NDUFAF2: variants seen among roughly 807,000 people sequenced by gnomAD.
The protein encoded by NDUFAF2 is NADH:ubiquinone oxidoreductase complex assembly factor 2.
A neutral mutation model predicts 22.8 loss-of-function variants in NDUFAF2; 13 were observed. The observed-to-expected ratio is 0.57, with a 90% CI of 0.37 to 0.91. The LOEUF (loss-of-function observed/expected upper bound fraction) is 0.91. Among genes scored for constraint, NDUFAF2 ranks in the 40% least tolerant of loss-of-function variants. NDUFAF2 has a pLI of 0.01. For missense variants in NDUFAF2, 162 were observed against 195.2 expected (o/e 0.83, Z 1.01); for synonymous variants, 53 against 64.2 (o/e 0.83, Z 0.84).
At chr5:61,111,633 T>G (rs1175303690) in intron 3 of NDUFAF2, among the ~76,000 whole-genome samples, 1 of 151,662 alleles carries the variant, frequency 6.6e-6, no homozygotes, top group Non-Finnish European at 1.5e-5. Context: ...TTGTCTTTTT[T>G]TTTGAGACAG....
At chr5:61,073,025 C>G (rs865816494) in intron 1 of NDUFAF2, 100 bp from the exon 2 acceptor site, 2 of 753,828 alleles carry the variant, frequency 2.7e-6, no homozygotes, top group Non-Finnish European at 4.6e-6. Flanking sequence ...TAATTTAATT[C>G]TTTTACTATA....
rs183260721 is a variant in NDUFAF2 at position 61,019,124 on chromosome 5, G to A, written c.128-54001G>A. Among the ~76,000 whole-genome samples, 220 of 152,064 alleles carry A rather than the reference G, an allele frequency of 1.4e-3. 2 individuals carry two copies. The highest frequency in any genetic ancestry group is 5.1e-3 in the African/African-American group (210 of 41,528). ...AGGTAGAAATGATGATTATCAAAACGTTACCTTTCATTTATAGGGATTAAT... is the reference window on the plus strand; with the variant it reads ...AGGTAGAAATGATGATTATCAAAACATTACCTTTCATTTATAGGGATTAAT... On this transcript the variant is annotated intron_variant, in intron 1 of 3. Coordinates refer to ENST00000296597, the MANE Select transcript of NDUFAF2 (RefSeq NM_174889.5).
chr5:61,055,950 A>T (rs183189746), intron 1 of NDUFAF2, among the ~76,000 whole-genome samples: 78 of 152,328 alleles, frequency 5.1e-4, no homozygotes, highest in African/African-American at 1.8e-3. Context: ...TTAATATCAT[A>T]TACATAATGC....
chr5:61,038,085 G>T, intron 1 of NDUFAF2, among the ~76,000 whole-genome samples: 1 of 51,194 alleles, frequency 2.0e-5, no homozygotes, highest in African/African-American at 7.1e-5. Context: ...AGGGAGGCGG[G>T]GGAAGAGAGA....
At chr5:60,977,483 T>C (rs1750917668) in intron 1 of NDUFAF2, among the ~76,000 whole-genome samples, 3 of 151,740 alleles carry the variant, frequency 2.0e-5, no homozygotes, top group African/African-American at 7.3e-5. Context: ...TTGGTATATA[T>C]TGTCATGGAA....
At chr5:60,972,304 C>G (rs940655590) in intron 1 of NDUFAF2, among the ~76,000 whole-genome samples, 1 of 151,306 alleles carries the variant, frequency 6.6e-6, no homozygotes, top group Non-Finnish European at 1.5e-5. Flanking sequence ...CCACTCAAAT[C>G]TCACCTTTAG....
chr5:61,126,763 A>T lies in NDUFAF2; in HGVS notation c.259-25941A>T, dbSNP rs115392660. Among the ~76,000 whole-genome samples, 1,223 of 152,190 alleles carry T rather than the reference A, an allele frequency of 8.0e-3. 13 individuals carry two copies. The highest frequency in any genetic ancestry group is 0.028 in the African/African-American group (1,171 of 41,562). On this transcript the variant is annotated intron_variant, in intron 3 of 3. Coordinates refer to ENST00000296597, the MANE Select transcript of NDUFAF2 (RefSeq NM_174889.5). ...ATGGATTCACCTAAGAAAACATCAC[A>T]GTTGCCTCTGAATTTAAGAAGGAAA...
intron 3 of NDUFAF2, among the ~76,000 whole-genome samples, chr5:61,131,690 G>A (rs1753113631): frequency 6.6e-6 from 1 of 152,038 alleles, no homozygotes; most frequent in African/African-American, 2.4e-5. Context: ...CAAAAAAGAT[G>A]TCTGAAAAAT....
intron 1 of NDUFAF2, among the ~76,000 whole-genome samples, chr5:61,043,229 A>G (rs1269086302): frequency 6.6e-6 from 1 of 152,154 alleles, no homozygotes; most frequent in Non-Finnish European, 1.5e-5. Flanking sequence ...TTGGGGGAAA[A>G]AAACAAAAAT....
intron 1 of NDUFAF2, among the ~76,000 whole-genome samples, chr5:61,030,441 A>AATGGT (rs1304350420): frequency 6.6e-6 from 1 of 152,094 alleles, no homozygotes; most frequent in Admixed American, 6.6e-5. Flanking sequence ...TTTTAATGAA[A>AATGGT]ATGGTAAGCT....
chr5:61,062,209 C>T (rs1421529356), intron 1 of NDUFAF2, among the ~76,000 whole-genome samples: 1 of 151,900 alleles, frequency 6.6e-6, no homozygotes, highest in Non-Finnish European at 1.5e-5. Context: ...AGTAGCTGAC[C>T]AAAGAAATGG....
At chr5:61,097,285 A>T (rs934001782) in intron 2 of NDUFAF2, among the ~76,000 whole-genome samples, 3 of 152,236 alleles carry the variant, frequency 2.0e-5, no homozygotes, top group African/African-American at 7.2e-5. Flanking sequence ...AAATGCATTT[A>T]ATACACCTAG....
At position 61,016,143 on chromosome 5, in the gene NDUFAF2, G is replaced by A. The variant is rs960230841; in HGVS notation, c.128-56982G>A. Among the ~76,000 whole-genome samples, 8 of 152,086 alleles carry A rather than the reference G, an allele frequency of 5.3e-5. 1 individual carries two copies. Among genetic ancestry groups the A allele is most frequent in the Middle Eastern group, 6.8e-3 (2 of 294 alleles). On this transcript the variant is annotated intron_variant, in intron 1 of 3. Transcript: ENST00000296597. ...AGAGGTTGCAGTAAGCCAAGATCAC[G>A]CCATTGCATTCCAGCCTGGCAACAG...
intron 1 of NDUFAF2, among the ~76,000 whole-genome samples, chr5:61,043,220 T>TG (rs1751904833): frequency 6.6e-6 from 1 of 151,896 alleles, no homozygotes; most frequent in African/African-American, 2.4e-5. Context: ...AACTCTGTCT[T>TG]GGGGGAAAAA....
At chr5:61,074,217 C>T (rs759408103) in intron 2 of NDUFAF2, among the ~76,000 whole-genome samples, 2 of 151,994 alleles carry the variant, frequency 1.3e-5, no homozygotes, top group Non-Finnish European at 2.9e-5. Context: ...TTCGGGAGGT[C>T]GAAGTGGGCG....
chr5:61,021,031 C>T (rs746867004), intron 1 of NDUFAF2, among the ~76,000 whole-genome samples: 7 of 148,286 alleles, frequency 4.7e-5, no homozygotes, highest in Non-Finnish European at 1.0e-4. Context: ...AAGAAGTTTC[C>T]AAATATATTA....
chr5:61,144,910 A>G (rs992776810), intron 3 of NDUFAF2, among the ~76,000 whole-genome samples: 2 of 152,192 alleles, frequency 1.3e-5, no homozygotes, highest in Middle Eastern at 3.2e-3. Flanking sequence ...CACGCATGTT[A>G]TCTAATAACT....
At chr5:61,039,143 C>CAA (rs36065069) in intron 1 of NDUFAF2, among the ~76,000 whole-genome samples, 1,978 of 82,362 alleles carry the variant, frequency 0.024, 74 homozygotes, top group African/African-American at 0.086. Context: ...GCTGACAGGC[C>CAA]AAAAAAAAAA....
Position 60,986,466 on chromosome 5 carries a change from G to A in NDUFAF2, c.127+41084G>A, listed in dbSNP as rs531231775. ...ACTAGAATCTCTGGGGCACAGATAT[G>A]GCAGCATTAAGAGGGAAATTTCTGG... On this transcript the variant is annotated intron_variant, in intron 1 of 3. Coordinates refer to ENST00000296597, the MANE Select transcript of NDUFAF2 (RefSeq NM_174889.5). Among the ~76,000 whole-genome samples, 3 of 152,210 alleles carry A rather than the reference G, an allele frequency of 2.0e-5. No individual in the cohort carries two copies. The East Asian group carries it at 5.8e-4, about 29-fold the overall frequency.
Sources: allele counts gnomAD v4.1 joint callset (sites outside exome capture counted in the v4.1 genomes callset), GRCh38; gene constraint gnomAD v4.1.1; transcripts MANE v1.5; gene names NCBI Gene and HGNC (gene_info 2026-07-23, HGNC 2026-07-21).